THEMIS: variants seen among roughly 807,000 people sequenced by gnomAD.
THEMIS encodes protein THEMIS.
THEMIS carries 37 observed loss-of-function variants against 52.6 expected under a neutral mutation model. The ratio of observed to expected loss-of-function variants is 0.70; its 90% CI spans 0.54 to 0.93. THEMIS has a LOEUF of 0.93. Ranked by LOEUF, THEMIS falls within the 40% of genes least tolerant of loss-of-function variation. The pLI, the probability that THEMIS is intolerant of heterozygous loss-of-function variation, is 0.00. For missense variants in THEMIS, 808 were observed against 763.1 expected (o/e 1.06, Z -0.69); for synonymous variants, 292 against 272.7 (o/e 1.07, Z -0.70).
At position 127,862,428 on chromosome 6, in the gene THEMIS, A is replaced by ATTTT. The variant is rs71028110; in HGVS notation, c.92-7244_92-7241dup. On this transcript the variant is annotated intron_variant, in intron 1 of 5. Coordinates refer to ENST00000368248, the MANE Select transcript of THEMIS (RefSeq NM_001010923.3). ...GCAGGTGAAATCTCCTAGGGAGTAA[A>ATTTT]TTTTTTTTTTTTTTTTTTTTTTGCT... Among the ~76,000 whole-genome samples the ATTTT allele has an allele frequency of 2.1e-3, 150 of 72,778 alleles. 7 individuals are homozygous for ATTTT. Among genetic ancestry groups the ATTTT allele is most frequent in the African/African-American group, 5.5e-3 (116 of 21,058 alleles). 47.7% of individuals were successfully genotyped at this position (72,778 alleles called of 152,430 possible).
chr6:127,912,411 C>T (rs1041405852), intron 1 of THEMIS, among the ~76,000 whole-genome samples: 3 of 152,188 alleles, frequency 2.0e-5, no homozygotes, highest in Non-Finnish European at 4.4e-5. Flanking sequence ...ATTTGACTAA[C>T]TCCATCTTGC....
At chr6:127,768,364 C>G (rs76220421) in intron 4 of THEMIS, among the ~76,000 whole-genome samples, 10,573 of 152,144 alleles carry the variant, frequency 0.069, 373 homozygotes, top group Non-Finnish European at 0.086. Context: ...CCTCCCCTTG[C>G]CTCTGTCAAC....
At chr6:127,914,856 A>G (rs1168801801) in intron 1 of THEMIS, among the ~76,000 whole-genome samples, 1 of 152,214 alleles carries the variant, frequency 6.6e-6, no homozygotes, top group African/African-American at 2.4e-5. Flanking sequence ...TGTTTGAAAC[A>G]AAGTAATATT....
chr6:127,755,767 T>G (rs1775801281), intron 4 of THEMIS, among the ~76,000 whole-genome samples: 2 of 152,244 alleles, frequency 1.3e-5, no homozygotes, highest in African/African-American at 4.8e-5. Context: ...ACGCAGTGGC[T>G]CACACTTGTG....
At chr6:127,774,372 A>AT (rs1330851154) in intron 4 of THEMIS, among the ~76,000 whole-genome samples, 4 of 151,966 alleles carry the variant, frequency 2.6e-5, no homozygotes, top group African/African-American at 9.7e-5. Flanking sequence ...TGCCCAGCTA[A>AT]TTTTTTGTAT....
At chr6:127,731,887 T>TTTTTTTTTTTTTTTTTTTTTTTTTTTTTG (rs1774818797) in intron 4 of THEMIS, among the ~76,000 whole-genome samples, 1 of 126,954 alleles carries the variant, frequency 7.9e-6, no homozygotes, top group Non-Finnish European at 1.6e-5. Context: ...TTTTTTTTTT[T>TTTTTTTTTTTTTTTTTTTTTTTTTTTTTG]AGTAGAGATG....
At chr6:127,828,716 A>G (rs1778592187) in intron 3 of THEMIS, among the ~76,000 whole-genome samples, 1 of 152,136 alleles carries the variant, frequency 6.6e-6, no homozygotes, top group Non-Finnish European at 1.5e-5. Context: ...GCACTTTGGG[A>G]GGTGACGTGG....
intron 4 of THEMIS, among the ~76,000 whole-genome samples, chr6:127,787,178 A>G (rs1469469192): frequency 6.6e-6 from 1 of 152,184 alleles, no homozygotes; most frequent in Non-Finnish European, 1.5e-5. Flanking sequence ...GCAAACAGGA[A>G]GCAAGATATA....
intron 4 of THEMIS, among the ~76,000 whole-genome samples, chr6:127,763,275 T>C (rs1291773769): frequency 6.6e-6 from 1 of 152,050 alleles, no homozygotes; most frequent in Non-Finnish European, 1.5e-5. Flanking sequence ...ATCCTCACTA[T>C]GCATTTATAG....
At chr6:127,843,811 T>G (rs1414825626) in intron 2 of THEMIS, among the ~76,000 whole-genome samples, 2 of 151,926 alleles carry the variant, frequency 1.3e-5, no homozygotes, top group Non-Finnish European at 2.9e-5. Context: ...CTCAGACCAC[T>G]AAGTCAGTGA....
At chr6:127,761,488 T>G (rs1776019522) in intron 4 of THEMIS, among the ~76,000 whole-genome samples, 1 of 152,126 alleles carries the variant, frequency 6.6e-6, no homozygotes, top group Non-Finnish European at 1.5e-5. Flanking sequence ...CAGTTACCCC[T>G]TCCTCATTTT....
chr6:127,813,851 A>C lies in THEMIS; in HGVS notation c.790T>G (p.Phe264Val), dbSNP rs1353313411. 1 of 1,613,242 alleles carries C rather than the reference A, an allele frequency of 6.2e-7. No homozygotes were observed. ...TCTTCTGTTGATAACAGCTGAAGAA[A>C]CCAGTTAGCATCGTAAGAATCAGTG... ...DITDSYDANW[F>V]LQLLSTEDLF... The change falls in exon 4 of 6, where the codon TTT (phenylalanine) becomes GTT (valine). Residue 264 changes from phenylalanine (F) to valine (V), a missense_variant. Coordinates refer to ENST00000368248, the MANE Select transcript of THEMIS (RefSeq NM_001010923.3).
chr6:127,813,861 A>C lies in THEMIS; in HGVS notation c.780T>G (p.Asp260Glu), dbSNP rs1225003741. 1 of 1,611,546 alleles carries C rather than the reference A, an allele frequency of 6.2e-7. No homozygotes were observed. The highest frequency in any genetic ancestry group is 8.5e-7 in the Non-Finnish European group (1 of 1,179,140). Residue 260 changes from aspartate (D) to glutamate (E), a missense_variant, in exon 4 of 6, where the codon GAT becomes GAG. By Grantham distance (45) the Asp-to-Glu change is conservative. Coordinates refer to ENST00000368248, the MANE Select transcript of THEMIS (RefSeq NM_001010923.3). The stretch of plus-strand genomic sequence containing the variant: ...ATAACAGCTGAAGAAACCAGTTAGC[A>C]TCGTAAGAATCAGTGATGTCTTTGA... Reference protein sequence around the residue: ...VEVKDITDSYDANWFLQLLST... With the variant: ...VEVKDITDSYEANWFLQLLST...
the THEMIS span, among the ~76,000 whole-genome samples, chr6:127,700,355 T>G: frequency 6.6e-6 from 1 of 151,742 alleles, no homozygotes; most frequent in South Asian, 2.1e-4. Context: ...AGCTTGAGAT[T>G]TCCTCAGAAT....
intron 3 of THEMIS, among the ~76,000 whole-genome samples, chr6:127,820,344 T>G (rs1234591813): frequency 1.3e-5 from 2 of 151,884 alleles, no homozygotes; most frequent in African/African-American, 4.8e-5. Flanking sequence ...TAAGATAGAA[T>G]AGGAGAGGGT....
chr6:127,813,551 G>T lies in THEMIS; in HGVS notation c.1090C>A (p.Pro364Thr), dbSNP rs1224397216. The change falls in exon 4 of 6, where the codon CCT becomes ACT. Residue 364 changes from proline to threonine, a missense_variant. By Grantham distance (38) the Pro-to-Thr change is conservative (BLOSUM62 -1). Coordinates refer to ENST00000368248, the MANE Select transcript of THEMIS (RefSeq NM_001010923.3). ...DLEIAKSEKE[P>T]LHVVATKAFH... is the part of the protein sequence containing the mutation. ...GCTTTGGTGGCCACCACGTGAAGAG[G>T]CTCCTTTTCACTCTTAGCGATCTCT... The T allele has an allele frequency of 6.2e-7, 1 of 1,613,270 alleles. No individual in the cohort carries two copies. The highest frequency in any genetic ancestry group is 1.1e-5 in the South Asian group (1 of 90,932).
In THEMIS at chr6:127,773,598, C is replaced by A. The variant is rs1190279597; in HGVS notation, c.1758+39285G>T. On this transcript the variant is annotated intron_variant, in intron 4 of 5. Coordinates refer to ENST00000368248, the MANE Select transcript of THEMIS (RefSeq NM_001010923.3). ...GATATTTTCATCACATATGTGACATCTGGTATCTTCTTTGCTGCCAAGATC... is the reference window on the plus strand; with the variant it reads ...GATATTTTCATCACATATGTGACATATGGTATCTTCTTTGCTGCCAAGATC... 3.3e-5 allele frequency among the ~76,000 whole-genome samples: 5 copies of A among 152,100 alleles called. No homozygotes were observed. In the East Asian group the frequency reaches 9.6e-4, roughly 29 times the overall value.
intron 1 of THEMIS, among the ~76,000 whole-genome samples, chr6:127,913,327 G>A (rs887855955): frequency 1.4e-4 from 21 of 151,702 alleles, no homozygotes; most frequent in East Asian, 1.9e-4. Flanking sequence ...GTTTCCATTC[G>A]CTGAATATTT....
chr6:127,716,718 A>G (rs988884808), intron 5 of THEMIS, among the ~76,000 whole-genome samples: 5 of 151,870 alleles, frequency 3.3e-5, no homozygotes, highest in Admixed American at 6.6e-5. Flanking sequence ...AAATAGTTCA[A>G]TGAAAACATT....
Sources: allele counts gnomAD v4.1 joint callset (sites outside exome capture counted in the v4.1 genomes callset), GRCh38; gene constraint gnomAD v4.1.1; transcripts MANE v1.5; gene names NCBI Gene and HGNC (gene_info 2026-07-23, HGNC 2026-07-21).